Variants in CDH13 observed in about 807,000 individuals in gnomAD.
The protein encoded by CDH13 is cadherin 13.
A neutral mutation model predicts 63.8 loss-of-function variants in CDH13; 24 were observed. That is an observed-to-expected ratio of 0.38 (90% CI 0.27 to 0.53). The LOEUF (loss-of-function observed/expected upper bound fraction) is 0.53, where lower values mean the gene tolerates loss of function less well. Ranked by LOEUF, CDH13 falls within the 20% of genes least tolerant of loss-of-function variation. The probability of loss-of-function intolerance (pLI) is 0.85; values close to 1 mark genes in which losing one functional copy is unlikely to be tolerated. For missense variants in CDH13, 1,049 were observed against 903.1 expected, an observed-to-expected ratio of 1.16 and a Z score of -2.07; for synonymous variants, 503 against 355.3, an observed-to-expected ratio of 1.42 and a Z score of -4.67.
At chr16:82,661,984 G>A (rs1161710681) in intron 1 of CDH13, among the ~76,000 whole-genome samples, 1 of 152,200 alleles carries the variant, frequency 6.6e-6, no homozygotes, top group Non-Finnish European at 1.5e-5. Context: ...CACAGGAGAG[G>A]AATTTTAAGG....
chr16:83,223,381 G>A (rs1021053548), intron 5 of CDH13, among the ~76,000 whole-genome samples: 3 of 152,232 alleles, frequency 2.0e-5, no homozygotes, highest in Non-Finnish European at 4.4e-5. Flanking sequence ...ACCTACCCAT[G>A]AGGGTGGAAC....
At chr16:83,606,784 A>G (rs1180788833) in intron 8 of CDH13, among the ~76,000 whole-genome samples, 1 of 149,532 alleles carries the variant, frequency 6.7e-6, no homozygotes, top group Admixed American at 6.7e-5. Flanking sequence ...TAATGACATG[A>G]TATCAATTTC....
chr16:83,401,884 T>A (rs2151443396), intron 6 of CDH13, among the ~76,000 whole-genome samples: 1 of 152,340 alleles, frequency 6.6e-6, no homozygotes, highest in African/African-American at 2.4e-5. Context: ...TTTGTATGAT[T>A]TTAATCTGCA....
chr16:83,633,902 G>A (rs761710402), intron 8 of CDH13, among the ~76,000 whole-genome samples: 6 of 152,134 alleles, frequency 3.9e-5, no homozygotes, highest in Admixed American at 6.5e-5. Flanking sequence ...ATAAAGAAAA[G>A]CAACTTAGTT....
chr16:83,213,311 C>T (rs1426010598), intron 4 of CDH13, among the ~76,000 whole-genome samples: 2 of 152,194 alleles, frequency 1.3e-5, no homozygotes, highest in Admixed American at 1.3e-4. Flanking sequence ...AAGGGAAAGT[C>T]ACCCTGGGAT....
chr16:83,134,587 G>GAA (rs2036201889), intron 4 of CDH13, among the ~76,000 whole-genome samples: 1 of 55,056 alleles, frequency 1.8e-5, no homozygotes, highest in African/African-American at 1.3e-4. Context: ...GAGAGAGAGA[G>GAA]AGAGAGTGAG....
At chr16:83,009,872 G>A (rs549204058) in intron 2 of CDH13, among the ~76,000 whole-genome samples, 5 of 152,134 alleles carry the variant, frequency 3.3e-5, no homozygotes, top group East Asian at 3.9e-4. Context: ...AGTGGCTCAC[G>A]CCTGTAATCT....
chr16:83,246,363 G>T (rs757769150), intron 5 of CDH13, among the ~76,000 whole-genome samples: 29 of 152,020 alleles, frequency 1.9e-4, no homozygotes, highest in Non-Finnish European at 3.7e-4. Flanking sequence ...TTCCCTGGCT[G>T]CTCCTTCCAT....
intron 8 of CDH13, among the ~76,000 whole-genome samples, chr16:83,605,856 C>T (rs1162543227): frequency 6.6e-6 from 1 of 152,206 alleles, no homozygotes; most frequent in Non-Finnish European, 1.5e-5. Context: ...CTTCAAAATA[C>T]ATGGTTAGGA....
chr16:83,253,639 G>C (rs1371482463), intron 5 of CDH13, among the ~76,000 whole-genome samples: 1 of 152,280 alleles, frequency 6.6e-6, no homozygotes, highest in East Asian at 1.9e-4. Flanking sequence ...ATTTTGCTAG[G>C]GGTTGACAGA....
rs145427195 is a variant in CDH13, at chr16:82,927,001, G to C, written c.157+68528G>C. On this transcript the variant is annotated intron_variant, in intron 2 of 13. Transcript: ENST00000567109. The stretch of plus-strand genomic sequence containing the variant: ...TTCATCTCTGTTTTTCACGGTGTCA[G>C]TTAGGGTAGCTTGAAGGCTGGGGTA... Among the ~76,000 whole-genome samples, 393 of 146,048 alleles carry C rather than the reference G, an allele frequency of 2.7e-3. 3 individuals are homozygous for C. Among genetic ancestry groups the C allele is most frequent in the Non-Finnish European group, 4.5e-3 (296 of 65,110 alleles).
At chr16:82,960,701 C>G (rs1029779735) in intron 2 of CDH13, among the ~76,000 whole-genome samples, 4 of 151,994 alleles carry the variant, frequency 2.6e-5, no homozygotes, top group Non-Finnish European at 5.9e-5. Flanking sequence ...CACTTGGCAC[C>G]CAAGTCTTAT....
At chr16:83,138,022 C>T (rs1456282025) in intron 4 of CDH13, among the ~76,000 whole-genome samples, 54 of 152,118 alleles carry the variant, frequency 3.5e-4, no homozygotes, top group Admixed American at 3.5e-3. Context: ...GGTATCTGCG[C>T]TTGGCCCACT....
At chr16:82,788,391 G>T (rs2036127002) in intron 1 of CDH13, among the ~76,000 whole-genome samples, 1 of 152,122 alleles carries the variant, frequency 6.6e-6, no homozygotes, top group Non-Finnish European at 1.5e-5. Flanking sequence ...CTGGACGACC[G>T]CCCTGATGTG....
chr16:82,740,427 G>A (rs1441346429), intron 1 of CDH13, among the ~76,000 whole-genome samples: 2 of 152,214 alleles, frequency 1.3e-5, no homozygotes, highest in African/African-American at 4.8e-5. Flanking sequence ...CTTCAGAAGT[G>A]TCTTTAAACA....
rs1255239656 is a variant in CDH13 at position 83,748,183 on chromosome 16, G to C, written c.1614G>C (p.Val538=). 6.2e-7 allele frequency: 1 copy of C among 1,613,900 alleles called. No homozygotes were observed. The highest frequency in any genetic ancestry group is 1.7e-5 in the Admixed American group (1 of 60,020). ...PINGTVDTTA[V]LDRESPFVDN... is the part of the protein sequence containing the mutation. ...ATGGGACTGTTGACACCACAGCTGT[G>C]CTGGACCGTGAGTCCCCATTTGTCG... Residue 538 remains valine (V), a synonymous_variant, in exon 11 of 14, where the codon GTG becomes GTC. Transcript: ENST00000567109.
intron 1 of CDH13, chr16:82,824,578 G>C (rs2038155233): frequency 1.3e-5 from 2 of 152,188 alleles, no homozygotes; most frequent in East Asian, 3.9e-4. Flanking sequence ...ACCTGAATCT[G>C]ATCCAGCCTC....
intron 10 of CDH13, among the ~76,000 whole-genome samples, chr16:83,686,346 C>G (rs748449146): frequency 1.2e-4 from 18 of 152,310 alleles, no homozygotes; most frequent in South Asian, 2.1e-4. Flanking sequence ...CCAGAGCTTC[C>G]TCAGTACCAT....
intron 7 of CDH13, among the ~76,000 whole-genome samples, chr16:83,528,796 T>G (rs994591226): frequency 6.6e-6 from 1 of 152,246 alleles, no homozygotes; most frequent in Non-Finnish European, 1.5e-5. Context: ...ATGTCTCGTT[T>G]AGCATTGGTT....
Sources: allele counts gnomAD v4.1 joint callset (sites outside exome capture counted in the v4.1 genomes callset), GRCh38; gene constraint gnomAD v4.1.1; transcripts MANE v1.5; gene names NCBI Gene and HGNC (gene_info 2026-07-23, HGNC 2026-07-21).